Variants in RBM27 observed in about 807,000 individuals in gnomAD.
RBM27 encodes the protein RNA-binding protein 27.
RBM27 carries 22 observed loss-of-function variants against 135.3 expected under a neutral mutation model. That is an observed-to-expected ratio of 0.16 (90% CI 0.12 to 0.23). The LOEUF (loss-of-function observed/expected upper bound fraction) is 0.23. Among genes scored for constraint, RBM27 ranks in the 10% least tolerant of loss-of-function variants. The pLI is 1.00. For missense variants in RBM27, 1,009 were observed against 1,281.0 expected, an observed-to-expected ratio of 0.79 and a Z score of 3.24; for synonymous variants, 481 against 442.4, an observed-to-expected ratio of 1.09 and a Z score of -1.10.
chr5:146,271,423 T>C, intron 18 of RBM27, 60 bp from the exon 19 acceptor site: 1 of 1,424,026 alleles, frequency 7.0e-7, no homozygotes, highest in Non-Finnish European at 9.5e-7. Context: ...AAAGTTTTCC[T>C]TTGTTTTTAA....
In RBM27 at chr5:146,237,786, C is replaced by T. The variant is rs372941395; in HGVS notation, c.1279+354C>T. Among the ~76,000 whole-genome samples the T allele has an allele frequency of 3.3e-5, 5 of 152,270 alleles. No individual in the cohort carries two copies. In the South Asian group the frequency reaches 1.0e-3, roughly 32 times the overall value. On this transcript the variant is annotated intron_variant, in intron 8 of 20. Transcript: ENST00000265271. ...CACTGCAACCTCTGCTTTCCAGGTT[C>T]AAGTGATTCTCTTGCCTCAGCCTCC...
At chr5:146,210,969 C>A (rs1411087930) in intron 1 of RBM27, among the ~76,000 whole-genome samples, 1 of 148,820 alleles carries the variant, frequency 6.7e-6, no homozygotes, top group Non-Finnish European at 1.5e-5. Context: ...AAGAAAAATT[C>A]TGTTTATAAA....
At chr5:146,238,958 A>G (rs1465694594) in intron 8 of RBM27, among the ~76,000 whole-genome samples, 2 of 152,218 alleles carry the variant, frequency 1.3e-5, no homozygotes, top group East Asian at 3.8e-4. Flanking sequence ...CATCTAAAGC[A>G]TCTAAAAAAG....
chr5:146,263,592 T>C lies in RBM27; in HGVS notation c.2292T>C (p.His764=). 1 of 1,614,166 alleles carries C rather than the reference T, an allele frequency of 6.2e-7. No homozygotes were observed. The highest frequency in any genetic ancestry group is 8.5e-7 in the Non-Finnish European group (1 of 1,180,016). Reference sequence around the variant, plus strand: ...GTGGTAACCAGAGTGATGCATCACATTTGTTGAATCAGTCTGGTGGTGCTG... The same window carrying C: ...GTGGTAACCAGAGTGATGCATCACACTTGTTGAATCAGTCTGGTGGTGCTG... ...HAGGNQSDAS[H]LLNQSGGAGE... is the part of the protein sequence containing the mutation. The change falls in exon 14 of 21, where the codon CAT becomes CAC. Residue 764 remains histidine, a synonymous_variant. Transcript: ENST00000265271.
intron 3 of RBM27, among the ~76,000 whole-genome samples, chr5:146,226,028 ATTTT>A (rs11291937): frequency 7.6e-6 from 1 of 130,968 alleles, no homozygotes. Context: ...AGCCTGCCTA[ATTTT>A]TTTTTTTTTT....
chr5:146,284,925 C>A (rs1487610199), intron 20 of RBM27, among the ~76,000 whole-genome samples, 193 bp downstream of exon 20: 2 of 151,998 alleles, frequency 1.3e-5, no homozygotes, highest in Admixed American at 1.3e-4. Context: ...GGGTTATTTT[C>A]TTCTGATATA....
chr5:146,229,617 T>A, intron 4 of RBM27, 100 bp from the exon 5 acceptor site: 1 of 960,568 alleles, frequency 1.0e-6, no homozygotes, highest in Non-Finnish European at 1.5e-6. Context: ...AAAGCATAGA[T>A]ATGCATTTGG....
At chr5:146,272,932 T>A (rs879853417) in intron 19 of RBM27, among the ~76,000 whole-genome samples, 3 of 152,170 alleles carry the variant, frequency 2.0e-5, no homozygotes, top group Non-Finnish European at 4.4e-5. Context: ...TAACCCTTAT[T>A]TGCCTTTTTT....
At chr5:146,224,240 T>C (rs1204555731) in intron 3 of RBM27, among the ~76,000 whole-genome samples, 1 of 152,182 alleles carries the variant, frequency 6.6e-6, no homozygotes, top group Non-Finnish European at 1.5e-5. Context: ...TATGTATGTA[T>C]GTGTGTATAT....
intron 1 of RBM27, among the ~76,000 whole-genome samples, chr5:146,215,499 A>G (rs1370421996): frequency 6.6e-6 from 1 of 152,236 alleles, no homozygotes; most frequent in African/African-American, 2.4e-5. Flanking sequence ...CAGAGAAAAT[A>G]ACATTGCCAT....
chr5:146,217,744 T>G (rs907396529), intron 1 of RBM27, among the ~76,000 whole-genome samples: 2 of 151,906 alleles, frequency 1.3e-5, no homozygotes, highest in South Asian at 2.1e-4. Flanking sequence ...ATTCTGAATT[T>G]TTTGTTTGTT....
intron 1 of RBM27, among the ~76,000 whole-genome samples, chr5:146,205,040 G>T (rs537764975): frequency 2.6e-5 from 4 of 152,294 alleles, no homozygotes; most frequent in Admixed American, 2.6e-4. Context: ...TGGAACTACC[G>T]GCGCGCGCCA....
rs186597090 is a variant in RBM27, at chr5:146,207,836, G to A, written c.59+4012G>A. On this transcript the variant is annotated intron_variant, in intron 1 of 20. Transcript: ENST00000265271. ...TGCCTGGCTAATTTTTGTATTTTTG[G>A]TAGAGATGGGGTTTCACCGTGTTGG... 9.9e-3 allele frequency among the ~76,000 whole-genome samples: 1,481 copies of A among 150,270 alleles called. 35 individuals are homozygous for A. Among genetic ancestry groups the A allele is most frequent in the African/African-American group, 0.034 (1,403 of 40,922 alleles).
intron 3 of RBM27, 32 bp downstream of exon 3, chr5:146,223,559 G>C: frequency 6.3e-7 from 1 of 1,587,220 alleles, no homozygotes; most frequent in Non-Finnish European, 8.5e-7. Context: ...GCTTTTGGGG[G>C]CTTCTTAGAT....
chr5:146,261,703 G>C lies in RBM27; in HGVS notation c.2087G>C (p.Ser696Thr). 2 of 1,614,196 alleles carry C rather than the reference G, an allele frequency of 1.2e-6. No individual in the cohort carries two copies. The highest frequency in any genetic ancestry group is 1.7e-6 in the Non-Finnish European group (2 of 1,180,042). The change falls in exon 13 of 21, where the codon AGT becomes ACT. Residue 696 changes from serine (S) to threonine (T), a missense_variant. Coordinates refer to ENST00000265271, the MANE Select transcript of RBM27 (RefSeq NM_018989.2). The part of the protein sequence containing the change: ...QLLLQQQQTL[S>T]HLSQQHHHLP... ...CTCCTGCAACAACAGCAAACACTTA[G>C]TCACCTCTCACAGCAGCACCATCAC...
chr5:146,254,564 T>C (rs1268466355), intron 9 of RBM27, among the ~76,000 whole-genome samples: 1 of 148,166 alleles, frequency 6.7e-6, no homozygotes, highest in African/African-American at 2.5e-5. Flanking sequence ...AGGAAAAAAA[T>C]AAAAATAAAA....
chr5:146,221,798 G>T (rs971760318), intron 2 of RBM27, among the ~76,000 whole-genome samples: 5 of 152,156 alleles, frequency 3.3e-5, no homozygotes, highest in Non-Finnish European at 7.3e-5. Context: ...CATATGGCTA[G>T]TGGCTACTAT....
intron 1 of RBM27, 42 bp from the exon 2 acceptor site, chr5:146,218,943 A>T: frequency 7.7e-7 from 1 of 1,301,680 alleles, no homozygotes; most frequent in South Asian, 1.3e-5. Flanking sequence ...TGTTTGATAA[A>T]AAGTGTTTTT....
intron 3 of RBM27, among the ~76,000 whole-genome samples, chr5:146,227,453 C>T (rs951342286): frequency 3.3e-5 from 5 of 152,064 alleles, no homozygotes; most frequent in East Asian, 1.9e-4. Context: ...TTGTGGCTGC[C>T]GTTTTATGTT....
Sources: gnomAD v4.1 joint callset for allele counts (sites outside exome capture counted in the v4.1 genomes callset) on GRCh38, gnomAD v4.1.1 for gene constraint, MANE v1.5 for transcripts, NCBI Gene and HGNC (gene_info 2026-07-23, HGNC 2026-07-21) for gene names.